The following SLC35F3 variants were observed in gnomAD, a reference collection of about 807,000 sequenced individuals.
SLC35F3 encodes the protein putative thiamine transporter SLC35F3.
Under a neutral mutation model 49.9 loss-of-function variants are expected in SLC35F3, and 25 were observed. That is an observed-to-expected ratio of 0.50 (90% CI 0.37 to 0.70). The LOEUF (loss-of-function observed/expected upper bound fraction) is 0.70. SLC35F3 is among the 30% of genes least tolerant of loss of function. The pLI, the probability that SLC35F3 is intolerant of heterozygous loss-of-function variation, is 0.00. For synonymous variants in SLC35F3, 275 were observed against 265.4 expected (o/e 1.04, Z -0.35); for missense variants, 525 against 639.8 (o/e 0.82, Z 1.94).
chr1:234,171,314 A>T (rs1471188), intron 2 of SLC35F3, among the ~76,000 whole-genome samples: 3 of 152,206 alleles, frequency 2.0e-5, no homozygotes, highest in East Asian at 3.9e-4. Flanking sequence ...GTCTGGGATG[A>T]GGCTGGGACA....
At chr1:233,954,228 C>T (rs1252118680) in intron 2 of SLC35F3, among the ~76,000 whole-genome samples, 1 of 152,118 alleles carries the variant, frequency 6.6e-6, no homozygotes, top group Non-Finnish European at 1.5e-5. Context: ...GGATGGTCTC[C>T]ATCTCCTGAC....
chr1:234,073,622 G>A (rs1012925742), intron 2 of SLC35F3, among the ~76,000 whole-genome samples: 1 of 152,182 alleles, frequency 6.6e-6, no homozygotes, highest in African/African-American at 2.4e-5. Context: ...AAGGTACTGG[G>A]AAATCATTCT....
intron 2 of SLC35F3, among the ~76,000 whole-genome samples, chr1:234,176,196 A>G (rs925778532): frequency 5.9e-5 from 9 of 152,172 alleles, no homozygotes; most frequent in Non-Finnish European, 1.3e-4. Context: ...CTCTGAAGCC[A>G]TTCTCCACAC....
chr1:234,286,903 C>T (rs1668430289), intron 3 of SLC35F3, among the ~76,000 whole-genome samples: 1 of 152,168 alleles, frequency 6.6e-6, no homozygotes, highest in Admixed American at 6.5e-5. Context: ...GGCACAGTTG[C>T]TTATGCCTGT....
intron 2 of SLC35F3, among the ~76,000 whole-genome samples, chr1:233,982,163 A>G (rs1398406337): frequency 6.6e-6 from 1 of 152,068 alleles, no homozygotes; most frequent in Non-Finnish European, 1.5e-5. Context: ...GGCCTCAAGC[A>G]ATCTGCCCGC....
chr1:234,032,071 G>A (rs6676512), intron 2 of SLC35F3, among the ~76,000 whole-genome samples: 35,867 of 151,952 alleles, frequency 0.24, 8,574 homozygotes, highest in African/African-American at 0.6. Context: ...CCATATTTCT[G>A]AATAGCATGT....
intron 2 of SLC35F3, among the ~76,000 whole-genome samples, chr1:234,071,197 A>C (rs982529889): frequency 1.1e-4 from 16 of 152,228 alleles, no homozygotes; most frequent in African/African-American, 3.9e-4. Flanking sequence ...TCGCTACAAC[A>C]CATGAGTACC....
chr1:234,185,682 C>G (rs1363796211), intron 2 of SLC35F3, among the ~76,000 whole-genome samples: 3 of 152,088 alleles, frequency 2.0e-5, no homozygotes, highest in African/African-American at 7.2e-5. Context: ...ATGGCAGGGA[C>G]TTGGAAGGGG....
At chr1:234,003,875 A>G (rs1663590219) in intron 2 of SLC35F3, among the ~76,000 whole-genome samples, 1 of 152,194 alleles carries the variant, frequency 6.6e-6, no homozygotes, top group Non-Finnish European at 1.5e-5. Flanking sequence ...CCTAATTAGG[A>G]GAATGCACAT....
chr1:234,125,128 C>CTCA (rs1423844400), intron 2 of SLC35F3, among the ~76,000 whole-genome samples: 1 of 152,118 alleles, frequency 6.6e-6, no homozygotes, highest in African/African-American at 2.4e-5. Flanking sequence ...CCTATCCCGC[C>CTCA]TCATATCTAG....
chr1:234,095,443 C>G (rs1399743595), intron 2 of SLC35F3, among the ~76,000 whole-genome samples: 2 of 151,624 alleles, frequency 1.3e-5, no homozygotes, highest in South Asian at 4.1e-4. Context: ...AGGGAACCAG[C>G]ACATGCAAAG....
chr1:234,056,374 T>G (rs1161442964), intron 2 of SLC35F3, among the ~76,000 whole-genome samples: 1 of 152,212 alleles, frequency 6.6e-6, no homozygotes. Context: ...GTTTTTTATG[T>G]ATAACTCACA....
chr1:234,159,490 T>C (rs1572074689), intron 2 of SLC35F3, among the ~76,000 whole-genome samples: 1 of 151,218 alleles, frequency 6.6e-6, no homozygotes, highest in South Asian at 2.1e-4. Context: ...GGCGGGAGAA[T>C]CACTTGAACC....
chr1:234,144,429 G>A (rs1213716336), intron 2 of SLC35F3, among the ~76,000 whole-genome samples: 3 of 152,120 alleles, frequency 2.0e-5, no homozygotes, highest in Non-Finnish European at 4.4e-5. Context: ...TGGAATGGTG[G>A]TTCCATTTGG....
At chr1:234,145,214 A>G (rs1665978784) in intron 2 of SLC35F3, among the ~76,000 whole-genome samples, 1 of 152,162 alleles carries the variant, frequency 6.6e-6, no homozygotes, top group Admixed American at 6.6e-5. Flanking sequence ...ACTGCATTAT[A>G]ATAGACTCTT....
intron 2 of SLC35F3, among the ~76,000 whole-genome samples, chr1:233,953,801 C>T (rs1212202653): frequency 6.6e-6 from 1 of 152,072 alleles, no homozygotes; most frequent in African/African-American, 2.4e-5. Flanking sequence ...GGAAAAAAGA[C>T]CTGGGTAAGT....
At chr1:234,036,576 CCATCTTCAAT>C (rs1664147402) in intron 2 of SLC35F3, among the ~76,000 whole-genome samples, 2 of 152,262 alleles carry the variant, frequency 1.3e-5, no homozygotes, top group South Asian at 4.1e-4. Context: ...TGTGGCATCC[CCATCTTCAAT>C]TTTGACATGT....
chr1:234,203,751 A>G (rs2102935922), intron 2 of SLC35F3, among the ~76,000 whole-genome samples: 1 of 152,192 alleles, frequency 6.6e-6, no homozygotes, highest in South Asian at 2.1e-4. Flanking sequence ...CCCCCAGTGA[A>G]CCGAATTTTA....
chr1:234,206,782 C>A (rs553467336), intron 2 of SLC35F3, among the ~76,000 whole-genome samples: 28 of 152,282 alleles, frequency 1.8e-4, no homozygotes, highest in African/African-American at 6.5e-4. Flanking sequence ...AGACCCCTAT[C>A]TCAGAGATCA....
Sources: gnomAD v4.1 joint callset for allele counts (sites outside exome capture counted in the v4.1 genomes callset) on GRCh38, gnomAD v4.1.1 for gene constraint, MANE v1.5 for transcripts, NCBI Gene and HGNC (gene_info 2026-07-23, HGNC 2026-07-21) for gene names.